The following KHDRBS2 variants were observed in gnomAD, a reference collection of about 807,000 sequenced individuals.
KHDRBS2 encodes KH RNA binding domain containing, signal transduction associated 2.
A neutral mutation model predicts 44.3 loss-of-function variants in KHDRBS2; 26 were observed. The ratio of observed to expected loss-of-function variants is 0.59; its 90% CI spans 0.43 to 0.81. The LOEUF (loss-of-function observed/expected upper bound fraction) is 0.81. Ranked by LOEUF, KHDRBS2 falls within the 40% of genes least tolerant of loss-of-function variation. The probability of loss-of-function intolerance (pLI) is 0.00; values close to 1 mark genes in which losing one functional copy is unlikely to be tolerated. For missense variants in KHDRBS2, 476 were observed against 433.1 expected (o/e 1.10, Z -0.88); for synonymous variants, 194 against 151.1 (o/e 1.28, Z -2.08).
intron 1 of KHDRBS2, among the ~76,000 whole-genome samples, chr6:62,196,879 T>C (rs1825819338): frequency 6.6e-6 from 1 of 151,976 alleles, no homozygotes; most frequent in Non-Finnish European, 1.5e-5. Flanking sequence ...CCTTATGGTG[T>C]GTGTACAGCC....
intron 6 of KHDRBS2, among the ~76,000 whole-genome samples, chr6:61,883,027 T>C (rs1487858659): frequency 1.3e-5 from 2 of 152,012 alleles, no homozygotes; most frequent in African/African-American, 2.4e-5. Flanking sequence ...AGTATAATTG[T>C]CAAAACTATA....
chr6:61,622,985 A>T, the KHDRBS2 span, among the ~76,000 whole-genome samples: 1 of 152,124 alleles, frequency 6.6e-6, no homozygotes, highest in Non-Finnish European at 1.5e-5. Flanking sequence ...GATCACAGTT[A>T]CTATAATGAT....
chr6:61,547,220 T>C, the KHDRBS2 span, among the ~76,000 whole-genome samples: 90 of 152,252 alleles, frequency 5.9e-4, no homozygotes, highest in African/African-American at 2.1e-3. Flanking sequence ...TCAAACAACG[T>C]TGAGGACCAG....
the KHDRBS2 span, among the ~76,000 whole-genome samples, chr6:61,571,509 T>C: frequency 1.8e-5 from 2 of 113,318 alleles, no homozygotes; most frequent in African/African-American, 6.8e-5. Flanking sequence ...ATAGTTCATC[T>C]AGACAGAAAG....
chr6:62,095,374 A>G (rs1800361653), intron 2 of KHDRBS2, among the ~76,000 whole-genome samples: 1 of 151,810 alleles, frequency 6.6e-6, no homozygotes, highest in South Asian at 2.1e-4. Context: ...CTATGCAGGT[A>G]TATAATTTTT....
At chr6:62,036,682 T>G (rs114858976) in intron 3 of KHDRBS2, among the ~76,000 whole-genome samples, 2 of 152,176 alleles carry the variant, frequency 1.3e-5, no homozygotes, top group Non-Finnish European at 2.9e-5. Context: ...AATCTACTAG[T>G]GAAAGCAAGC....
Position 61,825,424 on chromosome 6 carries a change from T to C in KHDRBS2, c.810+69211A>G, listed in dbSNP as rs114746472. ...CATGCTTAATCCTCTAATATACCTC[T>C]AAATTTCTAGCTCTGACAAATAGCA... is the stretch of plus-strand genomic sequence containing the variant. On this transcript the variant is annotated intron_variant, in intron 6 of 8. Coordinates refer to ENST00000281156, the MANE Select transcript of KHDRBS2 (RefSeq NM_152688.4). Among the ~76,000 whole-genome samples the C allele has an allele frequency of 4.2e-3, 646 of 152,308 alleles. 9 individuals are homozygous for C. Among genetic ancestry groups the C allele is most frequent in the African/African-American group, 0.015 (620 of 41,580 alleles).
chr6:62,197,382 G>A (rs1295659648), intron 1 of KHDRBS2, among the ~76,000 whole-genome samples: 1 of 152,008 alleles, frequency 6.6e-6, no homozygotes, highest in African/African-American at 2.4e-5. Flanking sequence ...AATCAAATCA[G>A]CATGAATTTT....
intron 4 of KHDRBS2, among the ~76,000 whole-genome samples, chr6:61,963,324 G>A (rs1769179513): frequency 6.6e-6 from 1 of 152,046 alleles, no homozygotes; most frequent in Non-Finnish European, 1.5e-5. Flanking sequence ...ATTTCAGAAT[G>A]AGGGAAATGC....
chr6:62,016,197 G>T (rs1444756347), intron 3 of KHDRBS2, among the ~76,000 whole-genome samples: 1 of 151,954 alleles, frequency 6.6e-6, no homozygotes, highest in East Asian at 1.9e-4. Context: ...TTAGACCCCA[G>T]GATATATTTA....
chr6:62,113,596 A>C (rs961377971), intron 2 of KHDRBS2, among the ~76,000 whole-genome samples: 1 of 152,160 alleles, frequency 6.6e-6, no homozygotes, highest in Non-Finnish European at 1.5e-5. Context: ...TATTTTTAAC[A>C]CAATCGCATG....
intron 8 of KHDRBS2, among the ~76,000 whole-genome samples, chr6:61,688,082 T>C (rs1035971203): frequency 3.3e-5 from 5 of 151,944 alleles, no homozygotes; most frequent in African/African-American, 9.7e-5. Flanking sequence ...ATTATATATG[T>C]CATTAAAATT....
intron 1 of KHDRBS2, among the ~76,000 whole-genome samples, chr6:62,254,212 T>C (rs1327629430): frequency 6.6e-6 from 1 of 152,068 alleles, no homozygotes; most frequent in Non-Finnish European, 1.5e-5. Flanking sequence ...TACTTTATAT[T>C]AAAGTGCTAC....
the KHDRBS2 span, among the ~76,000 whole-genome samples, chr6:61,560,170 T>C: frequency 5.3e-5 from 8 of 152,172 alleles, no homozygotes; most frequent in African/African-American, 1.7e-4. Flanking sequence ...AGTTTGCTGT[T>C]AGACATATTG....
intron 6 of KHDRBS2, 50 bp from the exon 7 acceptor site, chr6:61,732,814 T>C (rs759609488): frequency 1.0e-6 from 1 of 979,812 alleles, no homozygotes; most frequent in Non-Finnish European, 1.7e-6. Flanking sequence ...TGATTAACTT[T>C]GATCTGTTTT....
intron 2 of KHDRBS2, among the ~76,000 whole-genome samples, chr6:62,057,783 T>C (rs915113692): frequency 2.0e-5 from 3 of 151,986 alleles, no homozygotes; most frequent in African/African-American, 7.2e-5. Context: ...ATTAAATTTG[T>C]ATAAGTCAAA....
chr6:61,804,362 AC>A (rs71549797), intron 6 of KHDRBS2, among the ~76,000 whole-genome samples: 1 of 151,792 alleles, frequency 6.6e-6, no homozygotes, highest in Non-Finnish European at 1.5e-5. Flanking sequence ...GCAGGGTACA[AC>A]CCCCCTCCCA....
intron 2 of KHDRBS2, among the ~76,000 whole-genome samples, chr6:62,134,135 C>T (rs536384409): frequency 2.0e-5 from 3 of 152,258 alleles, no homozygotes; most frequent in South Asian, 4.1e-4. Flanking sequence ...TCCAGCAGCA[C>T]CTCTTATTAC....
intron 6 of KHDRBS2, among the ~76,000 whole-genome samples, chr6:61,786,112 T>C (rs1394082667): frequency 6.6e-6 from 1 of 152,044 alleles, no homozygotes; most frequent in East Asian, 1.9e-4. Flanking sequence ...TGTAAGGCAG[T>C]TTGAAAAGTG....
Sources: gnomAD v4.1 joint callset for allele counts (sites outside exome capture counted in the v4.1 genomes callset) on GRCh38, gnomAD v4.1.1 for gene constraint, MANE v1.5 for transcripts, NCBI Gene and HGNC (gene_info 2026-07-23, HGNC 2026-07-21) for gene names.